Variants in ARB2A observed in about 807,000 individuals in gnomAD.
ARB2A encodes ARB2 cotranscriptional regulator A, also known as cotranscriptional regulator ARB2A.
the ARB2A span, chr5:93,741,468 CAG>C: frequency 6.2e-7 from 1 of 1,613,498 alleles, no homozygotes; most frequent in Non-Finnish European, 8.5e-7. Flanking sequence ...TCAACCAGGT[CAG>C]AGTGTCAACC....
At chr5:93,803,946 A>C in the ARB2A span, among the ~76,000 whole-genome samples, 1 of 151,924 alleles carries the variant, frequency 6.6e-6, no homozygotes, top group Non-Finnish European at 1.5e-5. Context: ...AGCCGGAGAG[A>C]AATAGTGATT....
the ARB2A span, among the ~76,000 whole-genome samples, chr5:93,779,437 A>G: frequency 5.3e-5 from 8 of 152,120 alleles, no homozygotes; most frequent in African/African-American, 1.9e-4. Context: ...TTTAGTTGAG[A>G]TGAACACTAC....
chr5:93,767,663 T>C, the ARB2A span, among the ~76,000 whole-genome samples: 2 of 151,862 alleles, frequency 1.3e-5, no homozygotes, highest in South Asian at 4.1e-4. Context: ...GTGGTGTGTA[T>C]ATATATACAT....
chr5:93,812,992 CTCTT>C, the ARB2A span, among the ~76,000 whole-genome samples: 1 of 152,178 alleles, frequency 6.6e-6, no homozygotes, highest in Admixed American at 6.6e-5. Context: ...CTTTCTCTCA[CTCTT>C]TCTGCCATGT....
chr5:93,859,623 A>ATT, the ARB2A span, among the ~76,000 whole-genome samples: 13 of 152,188 alleles, frequency 8.5e-5, no homozygotes, highest in Non-Finnish European at 2.9e-5. Context: ...GTAAAAAAAG[A>ATT]TTTTTTCAAA....
At chr5:93,812,440 C>A in the ARB2A span, among the ~76,000 whole-genome samples, 1 of 152,062 alleles carries the variant, frequency 6.6e-6, no homozygotes, top group East Asian at 1.9e-4. Context: ...TACTAGAAAC[C>A]TTTAGAAAAT....
the ARB2A span, among the ~76,000 whole-genome samples, chr5:93,722,966 G>C: frequency 6.6e-6 from 1 of 152,120 alleles, no homozygotes; most frequent in South Asian, 2.1e-4. Flanking sequence ...GCAGTAAAAT[G>C]ACAATTTCAA....
chr5:94,053,071 C>CCA, the ARB2A span: 1 of 407,506 alleles, frequency 2.5e-6, no homozygotes, highest in South Asian at 7.4e-5. Flanking sequence ...TTTGCATATA[C>CCA]TATAGATAGA....
chr5:93,698,214 G>T, the ARB2A span, among the ~76,000 whole-genome samples: 1 of 151,992 alleles, frequency 6.6e-6, no homozygotes. Flanking sequence ...TTTTGCTTTT[G>T]GTTATTTCCA....
chr5:93,819,032 A>C, the ARB2A span, among the ~76,000 whole-genome samples: 1 of 151,414 alleles, frequency 6.6e-6, no homozygotes, highest in African/African-American at 2.4e-5. Context: ...CTAAAAATAC[A>C]AAAATTAGCC....
the ARB2A span, among the ~76,000 whole-genome samples, chr5:93,719,704 T>C: frequency 1.3e-5 from 2 of 152,210 alleles, no homozygotes; most frequent in Non-Finnish European, 2.9e-5. Context: ...TGTGATCACA[T>C]TATTTCCTTG....
the ARB2A span, chr5:93,741,461 A>C: frequency 6.2e-7 from 1 of 1,613,494 alleles, no homozygotes; most frequent in Non-Finnish European, 8.5e-7. Flanking sequence ...TGGGTGCTCA[A>C]CCAGGTCAGA....
chr5:93,629,510 A>G, the ARB2A span, among the ~76,000 whole-genome samples: 1 of 151,092 alleles, frequency 6.6e-6, no homozygotes, highest in Non-Finnish European at 1.5e-5. Context: ...AAGCTCAATA[A>G]AACAAGGTAT....
chr5:94,025,876 C>T, the ARB2A span, among the ~76,000 whole-genome samples: 5 of 152,194 alleles, frequency 3.3e-5, no homozygotes, highest in Non-Finnish European at 7.3e-5. Context: ...TCTGTCCGAT[C>T]AGACCACAGG....
At chr5:94,076,435 G>A in the ARB2A span, among the ~76,000 whole-genome samples, 1 of 152,052 alleles carries the variant, frequency 6.6e-6, no homozygotes, top group Admixed American at 6.6e-5. Flanking sequence ...AGTATATAAG[G>A]TAGGCAATGT....
At chr5:93,741,528 G>C in the ARB2A span, 122 of 1,600,230 alleles carry the variant, frequency 7.6e-5, no homozygotes, top group Non-Finnish European at 3.2e-5. Flanking sequence ...TGCCTGGAAG[G>C]GGGCAGAAGT....
chr5:93,954,805 G>A, the ARB2A span, among the ~76,000 whole-genome samples: 3 of 152,112 alleles, frequency 2.0e-5, no homozygotes, highest in Non-Finnish European at 2.9e-5. Flanking sequence ...CTCGTGCTGT[G>A]AGGCTTGCTG....
At chr5:93,762,399 C>T in the ARB2A span, among the ~76,000 whole-genome samples, 46 of 152,048 alleles carry the variant, frequency 3.0e-4, no homozygotes, top group African/African-American at 5.3e-4. Flanking sequence ...AACTACGTGA[C>T]GAATGCACAA....
the ARB2A span, among the ~76,000 whole-genome samples, chr5:93,935,530 A>G: frequency 6.6e-6 from 1 of 152,286 alleles, no homozygotes; most frequent in Admixed American, 6.5e-5. Flanking sequence ...AATGTAGGGG[A>G]ATAGAGAGAT....
Sources: allele counts gnomAD v4.1 joint callset (sites outside exome capture counted in the v4.1 genomes callset), GRCh38; gene constraint gnomAD v4.1.1; transcripts MANE v1.5; gene names NCBI Gene and HGNC (gene_info 2026-07-23, HGNC 2026-07-21).